The following TLCD4 variants were observed in gnomAD, a reference collection of about 807,000 sequenced individuals.
The protein encoded by TLCD4 is TLC domain-containing protein 4.
In TLCD4, 7 loss-of-function variants were observed where a neutral mutation model predicts 24.2. That is an observed-to-expected ratio of 0.29 (90% CI 0.16 to 0.54). The LOEUF (loss-of-function observed/expected upper bound fraction) is 0.54, where lower values mean the gene tolerates loss of function less well. Ranked by LOEUF, TLCD4 falls within the 20% of genes least tolerant of loss-of-function variation. The pLI, the probability that TLCD4 is intolerant of heterozygous loss-of-function variation, is 0.95. For missense variants in TLCD4, 259 were observed against 313.9 expected (o/e 0.82, Z 1.32); for synonymous variants, 103 against 106.4 (o/e 0.97, Z 0.20).
the TLCD4 span, among the ~76,000 whole-genome samples, chr1:95,095,578 T>C: frequency 6.6e-6 from 1 of 152,032 alleles, no homozygotes; most frequent in Non-Finnish European, 1.5e-5. Flanking sequence ...TTTGTATTTT[T>C]AGTAGAGACA....
intron 6 of TLCD4, among the ~76,000 whole-genome samples, chr1:95,182,895 G>A (rs1678697326): frequency 6.6e-6 from 1 of 151,968 alleles, no homozygotes; most frequent in South Asian, 2.1e-4. Context: ...AATCAACATA[G>A]GATTTTGAAA....
intron 1 of TLCD4, among the ~76,000 whole-genome samples, chr1:95,129,898 T>C (rs546346764): frequency 1.1e-4 from 17 of 152,384 alleles, no homozygotes; most frequent in African/African-American, 3.8e-4. Flanking sequence ...GCTGGCTTCC[T>C]GTAGACTTTT....
At chr1:95,107,422 T>TAAAC in the TLCD4 span, among the ~76,000 whole-genome samples, 25 of 152,264 alleles carry the variant, frequency 1.6e-4, 1 homozygote, top group African/African-American at 4.3e-4. Flanking sequence ...GACTCTGTCT[T>TAAAC]AAACAAACAA....
chr1:95,127,440 C>T (rs912587330), intron 1 of TLCD4, among the ~76,000 whole-genome samples: 7 of 152,080 alleles, frequency 4.6e-5, no homozygotes, highest in South Asian at 2.1e-4. Flanking sequence ...GGTAGCTTGG[C>T]GGTGACTGAG....
chr1:95,159,893 G>A (rs34721741), intron 5 of TLCD4, among the ~76,000 whole-genome samples: 54,577 of 152,060 alleles, frequency 0.36, 11,338 homozygotes, highest in Middle Eastern at 0.55. Context: ...GTACCATGCT[G>A]TTTTGGTTAC....
chr1:95,173,102 A>G (rs1033235957), intron 5 of TLCD4, among the ~76,000 whole-genome samples: 2 of 152,220 alleles, frequency 1.3e-5, no homozygotes, highest in African/African-American at 4.8e-5. Flanking sequence ...ATTCACAAAT[A>G]TATTTTTCAG....
the TLCD4 span, among the ~76,000 whole-genome samples, chr1:95,105,278 A>G: frequency 6.6e-6 from 1 of 152,358 alleles, no homozygotes; most frequent in South Asian, 2.1e-4. Context: ...GGACTATTTT[A>G]AGTCAGGGAC....
At position 95,173,783 on chromosome 1, in the gene TLCD4, T is replaced by A. The variant is rs766727927; in HGVS notation, c.400-33T>A. On this transcript the variant is annotated intron_variant, in intron 5 of 6. Transcript: ENST00000370203. ...TTTGGGAATTTTGTTAAGAATGTTA[T>A]CCTTGACGTTGTGTTTTATGTTTAT... The A allele has an allele frequency of 2.4e-5, 38 of 1,613,486 alleles. No individual in the cohort carries two copies. The Admixed American group carries it at 6.3e-4, about 27-fold the overall frequency.
At chr1:95,104,663 C>CAAAAAAAAAAAAAAAAAA in the TLCD4 span, among the ~76,000 whole-genome samples, 11 of 40,608 alleles carry the variant, frequency 2.7e-4, no homozygotes, top group East Asian at 7.5e-4. Flanking sequence ...GACTCCGTCT[C>CAAAAAAAAAAAAAAAAAA]AAAAAAAAAA....
In TLCD4 at chr1:95,132,365, G is replaced by A. The variant is rs147386843; in HGVS notation, c.-11-11526G>A. Among the ~76,000 whole-genome samples the A allele has an allele frequency of 9.8e-3, 1,478 of 150,446 alleles. 26 individuals are homozygous for A. The highest frequency in any genetic ancestry group is 0.035 in the African/African-American group (1,422 of 40,884). ...CCAGCTATGCTGGAGGCTGAGGCAC[G>A]AGAATCGCTTGAACCCAGGTGGTGG... On this transcript the variant is annotated intron_variant, in intron 1 of 6. Transcript: ENST00000370203.
chr1:95,100,312 C>T, the TLCD4 span, among the ~76,000 whole-genome samples: 3 of 152,038 alleles, frequency 2.0e-5, no homozygotes, highest in Non-Finnish European at 4.4e-5. Context: ...CGGTGGCTCA[C>T]GCCTGTAATC....
intron 5 of TLCD4, among the ~76,000 whole-genome samples, chr1:95,153,949 C>A (rs993484434): frequency 6.6e-6 from 1 of 152,010 alleles, no homozygotes; most frequent in African/African-American, 2.4e-5. Context: ...GGGGAGACTT[C>A]TATTTTATGG....
At chr1:95,114,427 A>C (rs144589908), upstream of TLCD4, among the ~76,000 whole-genome samples, 6 of 152,298 alleles carry the variant, frequency 3.9e-5, no homozygotes, top group East Asian at 1.2e-3. Flanking sequence ...TTTTTGCTTT[A>C]ATTATAATTT....
At chr1:95,139,110 G>C (rs1677127488) in intron 1 of TLCD4, among the ~76,000 whole-genome samples, 1 of 148,278 alleles carries the variant, frequency 6.7e-6, no homozygotes, top group Admixed American at 6.8e-5. Context: ...AGAAGTTTGA[G>C]GTTATAGTGA....
chr1:95,177,029 T>C (rs1239021271), intron 6 of TLCD4, among the ~76,000 whole-genome samples: 1 of 152,190 alleles, frequency 6.6e-6, no homozygotes, highest in East Asian at 1.9e-4. Context: ...TTCCTCACAG[T>C]GTTACCAGAA....
chr1:95,176,832 G>T (rs370896702), intron 6 of TLCD4, among the ~76,000 whole-genome samples: 2 of 152,250 alleles, frequency 1.3e-5, no homozygotes, highest in South Asian at 2.1e-4. Context: ...TATGGTATAG[G>T]GGTCCAACTT....
chr1:95,141,320 G>A (rs1677190745), intron 1 of TLCD4, among the ~76,000 whole-genome samples: 1 of 152,188 alleles, frequency 6.6e-6, no homozygotes, highest in African/African-American at 2.4e-5. Context: ...GATAAGGTAT[G>A]ATATGTTTTA....
chr1:95,098,918 G>A, the TLCD4 span, among the ~76,000 whole-genome samples: 1 of 151,778 alleles, frequency 6.6e-6, no homozygotes, highest in Non-Finnish European at 1.5e-5. Context: ...AAAATTAGCC[G>A]GGTGTGGTGG....
At chr1:95,150,116 C>A in intron 3 of TLCD4, 92 bp from the exon 4 acceptor site, 1 of 1,447,682 alleles carries the variant, frequency 6.9e-7, no homozygotes, top group Non-Finnish European at 9.2e-7. Context: ...CTATAGAAAG[C>A]AATTTTATTA....
Sources: gnomAD v4.1 joint callset for allele counts (sites outside exome capture counted in the v4.1 genomes callset) on GRCh38, gnomAD v4.1.1 for gene constraint, MANE v1.5 for transcripts, NCBI Gene and HGNC (gene_info 2026-07-23, HGNC 2026-07-21) for gene names.